The following C10orf67 variants were observed in gnomAD, a reference collection of about 807,000 sequenced individuals.
C10orf67 encodes chromosome 10 open reading frame 67.
A neutral mutation model predicts 35.6 loss-of-function variants in C10orf67; 60 were observed. The observed-to-expected ratio is 1.68, with a 90% CI of 1.37 to 2.09. The LOEUF (loss-of-function observed/expected upper bound fraction) is 2.09. Among genes scored for constraint, C10orf67 ranks in the 30% most tolerant of loss-of-function variants. The pLI is 0.00. For synonymous variants in C10orf67, 167 were observed against 115.8 expected (o/e 1.44, Z -2.84); for missense variants, 474 against 330.2 (o/e 1.44, Z -3.38).
At chr10:23,251,205 A>G (rs1243444543) in intron 10 of C10orf67, among the ~76,000 whole-genome samples, 1 of 152,242 alleles carries the variant, frequency 6.6e-6, no homozygotes, top group African/African-American at 2.4e-5. Flanking sequence ...TGGTGAACTT[A>G]GAAGCAGTTA....
intron 15 of C10orf67, among the ~76,000 whole-genome samples, chr10:23,221,096 A>G (rs1325831070): frequency 6.6e-6 from 1 of 152,204 alleles, no homozygotes; most frequent in Admixed American, 6.5e-5. Flanking sequence ...AGACTGGCTA[A>G]TTCATGGAGA....
At chr10:23,284,020 A>G (rs945447794) in intron 7 of C10orf67, among the ~76,000 whole-genome samples, 3 of 152,028 alleles carry the variant, frequency 2.0e-5, no homozygotes, top group East Asian at 3.9e-4. Context: ...TATGAATTCC[A>G]TAACTGACCA....
rs138434288 is a variant in C10orf67, at chr10:23,340,663, C to T, written c.206+3906G>A. Among the ~76,000 whole-genome samples the T allele has an allele frequency of 5.3e-4, 80 of 152,284 alleles. 1 individual carries two copies. In the East Asian group the frequency reaches 0.012, roughly 23 times the overall value. The stretch of plus-strand genomic sequence containing the variant: ...TGAGGAAGATTTATTCTTCAGTGTC[C>T]CTTCAAATTCCAAATGTCTCTAATT... On this transcript the variant is annotated intron_variant, in intron 1 of 15. Coordinates refer to ENST00000636213, the MANE Select transcript of C10orf67 (RefSeq NM_001371909.1).
intron 1 of C10orf67, among the ~76,000 whole-genome samples, chr10:23,340,087 A>G (rs535086930): frequency 4.7e-4 from 72 of 152,134 alleles, no homozygotes; most frequent in Non-Finnish European, 9.0e-4. Flanking sequence ...CAAAAGACCT[A>G]TCATGGGTGG....
rs1843385393 is a variant in C10orf67 at position 23,282,071 on chromosome 10, T to A, written c.917A>T (p.Asp306Val). ...CTCTTCTCTTAATCTGTCTCTACTA[T>A]CCATTAACTGAAATAGAGAAGAAAT... ...KDHKTIQKLM[D>V]SRDRLREELH... The change falls in exon 8 of 16, where the codon GAT becomes GTT. Residue 306 changes from aspartate to valine, a missense_variant. Physicochemically the swap from Asp to Val is radical, Grantham distance 152 (BLOSUM62 -3). Transcript: ENST00000636213. The A allele has an allele frequency of 1.7e-6, 1 of 581,462 alleles. No individual in the cohort carries two copies. The highest frequency in any genetic ancestry group is 3.1e-6 in the Non-Finnish European group (1 of 322,300). 36.0% of individuals were successfully genotyped at this position (581,462 alleles called of 1,614,324 possible). A position where few individuals can be genotyped will look rare whatever the true frequency, so the allele number is the denominator to read the frequency against.
At chr10:23,331,177 GGGGAAGGGAA>G (rs1228912469) in intron 2 of C10orf67, among the ~76,000 whole-genome samples, 4 of 84,484 alleles carry the variant, frequency 4.7e-5, no homozygotes, top group Non-Finnish European at 7.4e-5. Flanking sequence ...GAACCGGGAC[GGGGAAGGGAA>G]GGGAAGGGAA....
intron 12 of C10orf67, among the ~76,000 whole-genome samples, chr10:23,240,679 GA>G (rs766331850): frequency 6.6e-6 from 1 of 152,184 alleles, no homozygotes; most frequent in Non-Finnish European, 1.5e-5. Context: ...CAGAGTGTAG[GA>G]AGAAACAAAA....
chr10:23,228,951 T>G (rs188742751), intron 13 of C10orf67, among the ~76,000 whole-genome samples: 1 of 152,154 alleles, frequency 6.6e-6, no homozygotes, highest in African/African-American at 2.4e-5. Flanking sequence ...CTGGAGACGA[T>G]GAGGTGATAT....
intron 2 of C10orf67, among the ~76,000 whole-genome samples, chr10:23,325,567 C>T (rs1392752821): frequency 2.2e-5 from 3 of 135,008 alleles, no homozygotes; most frequent in Admixed American, 7.2e-5. Flanking sequence ...AAAAACAAAA[C>T]CAATAACAAC....
chr10:23,329,721 T>G (rs746277291), intron 2 of C10orf67, among the ~76,000 whole-genome samples: 1 of 143,740 alleles, frequency 7.0e-6, no homozygotes, highest in African/African-American at 2.6e-5. Context: ...GACTGCTTGA[T>G]TCCAGGAGTT....
intron 8 of C10orf67, among the ~76,000 whole-genome samples, chr10:23,281,549 G>A (rs1843366451): frequency 6.6e-6 from 1 of 152,106 alleles, no homozygotes; most frequent in Admixed American, 6.5e-5. Context: ...GTAGTCAACT[G>A]ATAAAAGACC....
chr10:23,220,291 C>G (rs969893782), intron 15 of C10orf67, among the ~76,000 whole-genome samples: 1 of 152,206 alleles, frequency 6.6e-6, no homozygotes. Flanking sequence ...TGGGATTATA[C>G]TATGAACAGC....
intron 13 of C10orf67, among the ~76,000 whole-genome samples, chr10:23,233,008 T>A (rs1048276817): frequency 6.6e-6 from 1 of 152,026 alleles, no homozygotes; most frequent in Non-Finnish European, 1.5e-5. Flanking sequence ...TATAAAAAAA[T>A]TAGCCAAGTG....
chr10:23,301,678 C>T (rs1844080962), intron 5 of C10orf67, among the ~76,000 whole-genome samples: 1 of 151,960 alleles, frequency 6.6e-6, no homozygotes, highest in South Asian at 2.1e-4. Flanking sequence ...GAATCTTGGG[C>T]CATGCGGTGG....
intron 15 of C10orf67, among the ~76,000 whole-genome samples, chr10:23,206,949 A>T (rs1231543307): frequency 2.0e-5 from 3 of 152,238 alleles, no homozygotes; most frequent in Admixed American, 1.3e-4. Context: ...AGTCATTGGA[A>T]AAAAAGCAGA....
chr10:23,239,281 T>A (rs200067671), intron 13 of C10orf67, among the ~76,000 whole-genome samples: 1 of 152,208 alleles, frequency 6.6e-6, no homozygotes, highest in East Asian at 1.9e-4. Flanking sequence ...TTGGGCTTTA[T>A]CTATTACACG....
intron 15 of C10orf67, among the ~76,000 whole-genome samples, chr10:23,212,805 GA>G: frequency 6.6e-6 from 1 of 151,756 alleles, no homozygotes; most frequent in Middle Eastern, 3.4e-3. Flanking sequence ...GAGAGAGAGA[GA>G]GAGAGAGAGA....
intron 8 of C10orf67, among the ~76,000 whole-genome samples, chr10:23,267,554 G>A (rs1207155554): frequency 6.6e-6 from 1 of 152,202 alleles, no homozygotes; most frequent in Non-Finnish European, 1.5e-5. Context: ...TGCTTATGAG[G>A]TGATAATTTG....
intron 15 of C10orf67, among the ~76,000 whole-genome samples, chr10:23,223,356 C>T (rs1341434420): frequency 6.6e-6 from 1 of 152,146 alleles, no homozygotes; most frequent in African/African-American, 2.4e-5. Flanking sequence ...GCTAGGATTA[C>T]AGGCATGAGC....
Sources: allele counts gnomAD v4.1 joint callset (sites outside exome capture counted in the v4.1 genomes callset), GRCh38; gene constraint gnomAD v4.1.1; transcripts MANE v1.5; gene names NCBI Gene and HGNC (gene_info 2026-07-23, HGNC 2026-07-21).